The following SNX4 variants were observed in gnomAD, a reference collection of about 807,000 sequenced individuals.
SNX4 encodes sorting nexin-4.
In SNX4, 49 loss-of-function variants were observed where a neutral mutation model predicts 70.8. The observed-to-expected ratio is 0.69, with a 90% CI of 0.55 to 0.88. The LOEUF (loss-of-function observed/expected upper bound fraction) is 0.88, where lower values mean the gene tolerates loss of function less well. SNX4 is among the 40% of genes least tolerant of loss of function. SNX4 has a pLI of 0.00. For missense variants in SNX4, 528 were observed against 544.8 expected (o/e 0.97, Z 0.31); for synonymous variants, 206 against 183.8 (o/e 1.12, Z -0.98).
chr3:125,467,344 G>A (rs962356734), intron 9 of SNX4, among the ~76,000 whole-genome samples: 6 of 151,960 alleles, frequency 3.9e-5, no homozygotes, highest in South Asian at 2.1e-4. Context: ...CCAAGATTGC[G>A]CCACGGCACT....
At chr3:125,510,850 G>T (rs114141836) in intron 1 of SNX4, among the ~76,000 whole-genome samples, 41 of 152,304 alleles carry the variant, frequency 2.7e-4, no homozygotes, top group African/African-American at 8.7e-4. Context: ...TACAATGTAC[G>T]TGAATGTACT....
At chr3:125,502,352 T>G (rs552005037) in intron 2 of SNX4, among the ~76,000 whole-genome samples, 1 of 143,634 alleles carries the variant, frequency 7.0e-6, no homozygotes, top group East Asian at 1.9e-4. Context: ...TTTCTTTCTT[T>G]TTTTTTTTTA....
intron 9 of SNX4, among the ~76,000 whole-genome samples, chr3:125,464,121 C>G (rs1376090496): frequency 6.6e-6 from 1 of 152,072 alleles, no homozygotes; most frequent in Non-Finnish European, 1.5e-5. Context: ...AAGTATACAA[C>G]TCAGTGGTAT....
Position 125,460,797 on chromosome 3 carries a change from C to G in SNX4, c.918G>C (p.Glu306Asp). 1.3e-6 allele frequency: 2 copies of G among 1,559,964 alleles called. No individual in the cohort carries two copies. Among genetic ancestry groups the G allele is most frequent in the Non-Finnish European group, 1.7e-6 (2 of 1,151,160 alleles). ...DEEHYADQLK[E>D]YLFYAEALRA... is the part of the protein sequence containing the mutation. ...GCAATGCTTCTGCATAAAAAAGATACTCTTTTAACTGATCTGCATAATGTT... is the reference window on the plus strand; with the variant it reads ...GCAATGCTTCTGCATAAAAAAGATAGTCTTTTAACTGATCTGCATAATGTT... The change falls in exon 10 of 14, where the codon GAG becomes GAC. Residue 306 changes from glutamate to aspartate, a missense_variant. By Grantham distance (45) the Glu-to-Asp change is conservative. Around this residue, in one of 3 missense-constraint regions of SNX4, gnomAD observed 159 missense variants for 172.6 expected, o/e 0.92. Transcript: ENST00000251775.
intron 9 of SNX4, among the ~76,000 whole-genome samples, chr3:125,465,648 A>AT (rs1420176502): frequency 4.0e-5 from 6 of 150,262 alleles, no homozygotes; most frequent in Admixed American, 2.0e-4. Context: ...TTTACTTTTT[A>AT]TTTTATTTTT....
chr3:125,498,447 G>A (rs937844579), intron 2 of SNX4, among the ~76,000 whole-genome samples: 1 of 152,116 alleles, frequency 6.6e-6, no homozygotes, highest in Non-Finnish European at 1.5e-5. Flanking sequence ...AGCCTCCTGA[G>A]TAGCTGGGAC....
intron 7 of SNX4, among the ~76,000 whole-genome samples, chr3:125,478,064 T>C (rs1934324851): frequency 6.6e-6 from 1 of 150,850 alleles, no homozygotes; most frequent in South Asian, 2.1e-4. Context: ...CTTCTTCTTA[T>C]TATTATTACT....
At chr3:125,500,608 T>A (rs1198814015) in intron 2 of SNX4, among the ~76,000 whole-genome samples, 3 of 151,854 alleles carry the variant, frequency 2.0e-5, no homozygotes, top group African/African-American at 7.3e-5. Flanking sequence ...AAGACGATCC[T>A]GGCTAACACA....
chr3:125,512,782 T>G (rs897954130), intron 1 of SNX4, among the ~76,000 whole-genome samples: 4 of 151,962 alleles, frequency 2.6e-5, no homozygotes, highest in South Asian at 2.1e-4. Flanking sequence ...CTTTTTTTTT[T>G]TTTTTTGAGA....
chr3:125,481,880 T>C (rs1350247422), intron 6 of SNX4, among the ~76,000 whole-genome samples: 5 of 152,212 alleles, frequency 3.3e-5, no homozygotes, highest in African/African-American at 9.6e-5. Flanking sequence ...GGTTATACTT[T>C]ATTTTTCTTT....
intron 10 of SNX4, among the ~76,000 whole-genome samples, chr3:125,459,987 G>A (rs769767164): frequency 3.3e-5 from 5 of 151,726 alleles, no homozygotes; most frequent in Admixed American, 2.0e-4. Context: ...GAGGTCAGGA[G>A]TTTGAGACCA....
At chr3:125,493,555 G>A (rs1396434013) in intron 5 of SNX4, among the ~76,000 whole-genome samples, 2 of 151,368 alleles carry the variant, frequency 1.3e-5, no homozygotes, top group Admixed American at 6.6e-5. Flanking sequence ...TCGGGAGGCT[G>A]AGGTGGGAGA....
intron 11 of SNX4, among the ~76,000 whole-genome samples, chr3:125,455,641 C>T (rs560745994): frequency 1.3e-5 from 2 of 152,284 alleles, no homozygotes. Context: ...GTGTCCTGGT[C>T]ACAAGTCTTT....
At chr3:125,510,581 C>T (rs1935148930) in intron 1 of SNX4, among the ~76,000 whole-genome samples, 1 of 152,076 alleles carries the variant, frequency 6.6e-6, no homozygotes, top group Non-Finnish European at 1.5e-5. Context: ...ACCATTCATC[C>T]TTAAAAAGGA....
intron 2 of SNX4, among the ~76,000 whole-genome samples, chr3:125,502,967 G>T (rs1934964909): frequency 6.7e-6 from 1 of 148,972 alleles, no homozygotes; most frequent in South Asian, 2.1e-4. Flanking sequence ...TGTCACCCAG[G>T]CTGGAGTGCA....
chr3:125,520,039 AC>A lies in SNX4; in HGVS notation c.133del (p.Val45SerfsTer4). The A allele has an allele frequency of 6.4e-7, 1 of 1,552,646 alleles. No homozygotes were observed. The highest frequency in any genetic ancestry group is 1.5e-5 in the African/African-American group (1 of 68,576). On this transcript the variant is annotated frameshift_variant, in exon 1 of 14. Transcript: ENST00000251775. LOFTEE classifies it high-confidence loss of function. ...GCCGCCCCTTCTCCTCACCGTGTCG[AC>A]CCCAGAGCTCTCTTCTCCGGCCCCC... ...AEGAGEESSG[V>X]DTMTHNNFWL... is the part of the protein sequence containing the mutation.
chr3:125,519,137 G>A (rs1358148229), intron 1 of SNX4, among the ~76,000 whole-genome samples: 1 of 152,202 alleles, frequency 6.6e-6, no homozygotes, highest in African/African-American at 2.4e-5. Flanking sequence ...GGTGAAGTGA[G>A]CTGTGTGAGC....
chr3:125,502,633 G>A (rs977436981), intron 2 of SNX4, among the ~76,000 whole-genome samples: 2 of 151,750 alleles, frequency 1.3e-5, no homozygotes, highest in African/African-American at 2.4e-5. Context: ...CACTTTGGGA[G>A]GCCGAGGTGG....
intron 5 of SNX4, among the ~76,000 whole-genome samples, chr3:125,495,642 T>G (rs1200406772): frequency 1.3e-5 from 2 of 152,042 alleles, no homozygotes; most frequent in Non-Finnish European, 2.9e-5. Flanking sequence ...CACTGGTAAA[T>G]AGCAATTTTA....
Sources: gnomAD v4.1 joint callset for allele counts (sites outside exome capture counted in the v4.1 genomes callset) on GRCh38, gnomAD v4.1.1 for gene constraint, gnomAD v4.1.1 regional missense constraint, MANE v1.5 for transcripts, NCBI Gene and HGNC (gene_info 2026-07-23, HGNC 2026-07-21) for gene names.